Variants in ZFHX3 observed in about 807,000 individuals in gnomAD.
The protein encoded by ZFHX3 is zinc finger homeobox 3, also known as zinc finger homeobox protein 3.
In ZFHX3, 42 loss-of-function variants were observed where a neutral mutation model predicts 279.1. The observed-to-expected ratio is 0.15, with a 90% confidence interval of 0.12 to 0.19. The LOEUF (loss-of-function observed/expected upper bound fraction) is 0.19, where lower values mean the gene tolerates loss of function less well. Ranked by LOEUF, ZFHX3 falls within the 10% of genes least tolerant of loss-of-function variation. ZFHX3 has a pLI of 1.00. For synonymous variants in ZFHX3, 2,293 were observed against 1,957.8 expected (o/e 1.17, Z -4.52); for missense variants, 4,981 against 4,754.0 (o/e 1.05, Z -1.40).
intron 1 of ZFHX3, chr16:73,809,238 A>C (rs1960364699): frequency 1.3e-5 from 2 of 152,234 alleles, no homozygotes; most frequent in Non-Finnish European, 2.9e-5. Context: ...ACCTCTTTTC[A>C]GTGACAAGCA....
In ZFHX3 at chr16:72,788,114, G is replaced by C. The variant is rs1452498244; in HGVS notation, c.10162C>G (p.Gln3388Glu). ...GGCTGCTGCTGCTGCACTTTTTGCT[G>C]CTGCTGCTGCTGTAGTTGCCGCTGC... ...QQQRQLQQQQ[Q>E]QKVQQQQPKA... is the part of the protein sequence containing the mutation. Residue 3388 changes from glutamine to glutamate, a missense_variant, in exon 10 of 10, where the codon CAG becomes GAG. Transcript: ENST00000268489. The C allele has an allele frequency of 3.8e-6, 6 of 1,596,370 alleles. No individual in the cohort carries two copies. Among genetic ancestry groups the C allele is most frequent in the Non-Finnish European group, 5.1e-6 (6 of 1,167,890 alleles).
chr16:73,091,231 CG>C (rs1030014425), intron 8 of ZFHX3, among the ~76,000 whole-genome samples: 4 of 146,302 alleles, frequency 2.7e-5, no homozygotes, highest in African/African-American at 1.0e-4. Flanking sequence ...AAAAAGAAAG[CG>C]GGGAAAAAAA....
intron 2 of ZFHX3, among the ~76,000 whole-genome samples, chr16:73,654,040 C>T (rs1274654347): frequency 6.6e-6 from 1 of 151,856 alleles, no homozygotes; most frequent in Non-Finnish European, 1.5e-5. Context: ...AAAAATTAGC[C>T]GGGCGTGGTG....
intron 1 of ZFHX3, among the ~76,000 whole-genome samples, chr16:73,046,394 G>A (rs935944367): frequency 1.3e-5 from 2 of 152,136 alleles, no homozygotes; most frequent in African/African-American, 4.8e-5. Flanking sequence ...TCTTGATCAG[G>A]TTACCTTGGA....
intron 1 of ZFHX3, among the ~76,000 whole-genome samples, chr16:73,031,021 G>C (rs558805903): frequency 2.0e-5 from 3 of 152,258 alleles, no homozygotes; most frequent in African/African-American, 4.8e-5. Context: ...ACTGCAGCCA[G>C]AATTCCTAGC....
Position 73,885,237 on chromosome 16 carries a change from G to T in ZFHX3, c.-1608+6414C>A, listed in dbSNP as rs188215933. ...TCCCTTTGACTGAAGGGTGAGACAG[G>T]GGGGTATTAAAAACTGATCAATGTA... is the stretch of plus-strand genomic sequence containing the variant. On this transcript the variant is annotated intron_variant, in intron 1 of 17. Coordinates refer to the ZFHX3 transcript ENST00000641206. Among the ~76,000 whole-genome samples the T allele has an allele frequency of 1.1e-4, 16 of 152,184 alleles. No homozygotes were observed. In the East Asian group the frequency reaches 3.1e-3, roughly 29 times the overall value.
At chr16:73,838,185 G>A (rs1302262649) in intron 1 of ZFHX3, among the ~76,000 whole-genome samples, 1 of 152,154 alleles carries the variant, frequency 6.6e-6, no homozygotes, top group African/African-American at 2.4e-5. Context: ...CCCCAAATTG[G>A]CTCAGAAAGC....
chr16:73,791,199 A>G (rs1959811776), intron 1 of ZFHX3, among the ~76,000 whole-genome samples: 1 of 151,866 alleles, frequency 6.6e-6, no homozygotes. Context: ...GCCTGGACTC[A>G]AGCAATCCTC....
At chr16:73,628,456 A>G (rs2052438541) in intron 2 of ZFHX3, among the ~76,000 whole-genome samples, 1 of 152,200 alleles carries the variant, frequency 6.6e-6, no homozygotes, top group Non-Finnish European at 1.5e-5. Context: ...AGATTTCTTC[A>G]CCAGAAAACA....
chr16:73,723,062 C>A, intron 1 of ZFHX3, among the ~76,000 whole-genome samples: 1 of 152,154 alleles, frequency 6.6e-6, no homozygotes, highest in East Asian at 1.9e-4. Context: ...ATTAATGAGA[C>A]CATACTCGCC....
rs1597350225 is a variant in ZFHX3 at position 72,889,858 on chromosome 16, C to T, written c.3321G>A (p.Val1107=). The change falls in exon 4 of 10, where the codon GTG becomes GTA. Residue 1107 remains valine, a synonymous_variant. Transcript: ENST00000268489. ...CGCTTCGCTGGTGCTTCATGGAGCG[C>T]ACATGCTGGATGAGGTTGAGCTTGG... ...TKAKLNLIQH[V]RSMKHQRSES... 1 of 1,614,154 alleles carries T rather than the reference C, an allele frequency of 6.2e-7. No individual in the cohort carries two copies. The highest frequency in any genetic ancestry group is 2.2e-5 in the East Asian group (1 of 44,882).
At chr16:73,127,594 G>A (rs771828569) in intron 7 of ZFHX3, 24 of 1,301,318 alleles carry the variant, frequency 1.8e-5, no homozygotes, top group Non-Finnish European at 2.3e-5. Context: ...CACTGACCAC[G>A]GAGCACTGCT....
chr16:73,401,255 A>G (rs2017244997), intron 3 of ZFHX3: 2 of 152,004 alleles, frequency 1.3e-5, no homozygotes, highest in African/African-American at 4.8e-5. Flanking sequence ...GGCCCTCACA[A>G]ATGAAAGTGC....
intron 1 of ZFHX3, among the ~76,000 whole-genome samples, chr16:73,755,543 C>A (rs2053800619): frequency 6.6e-6 from 1 of 152,012 alleles, no homozygotes; most frequent in Non-Finnish European, 1.5e-5. Context: ...ATGAACAAAC[C>A]AAACAATTCA....
At chr16:73,723,281 A>C (rs2053491820) in intron 1 of ZFHX3, among the ~76,000 whole-genome samples, 1 of 152,008 alleles carries the variant, frequency 6.6e-6, no homozygotes, top group Non-Finnish European at 1.5e-5. Flanking sequence ...TACTAAAAAC[A>C]AAAAAAAGGC....
At chr16:73,059,165 C>G (rs1319448469) in exon 1 of ZFHX3, 2 of 139,568 alleles carry the variant, frequency 1.4e-5, no homozygotes, top group Non-Finnish European at 3.0e-5. Flanking sequence ...CAATAAGATT[C>G]AGCAAAAAAG....
At chr16:72,835,310 G>A (rs2143752848) in intron 4 of ZFHX3, among the ~76,000 whole-genome samples, 2 of 152,144 alleles carry the variant, frequency 1.3e-5, no homozygotes, top group Admixed American at 6.5e-5. Flanking sequence ...GGCGAGATGT[G>A]CACAGACACC....
At chr16:73,568,657 A>G (rs991016946) in intron 2 of ZFHX3, among the ~76,000 whole-genome samples, 3 of 152,192 alleles carry the variant, frequency 2.0e-5, no homozygotes, top group African/African-American at 7.2e-5. Context: ...GGGTAAGTCC[A>G]GGTGAGTCCC....
chr16:73,589,729 G>A (rs565499509), intron 2 of ZFHX3, among the ~76,000 whole-genome samples: 132 of 31,388 alleles, frequency 4.2e-3, no homozygotes, highest in Middle Eastern at 0.038. Flanking sequence ...GCGAGACTCC[G>A]TCTCAAAAAA....
Sources: allele counts gnomAD v4.1 joint callset (sites outside exome capture counted in the v4.1 genomes callset), GRCh38; gene constraint gnomAD v4.1.1; transcripts MANE v1.5; gene names NCBI Gene and HGNC (gene_info 2026-07-23, HGNC 2026-07-21).